The following UGT1A4 variants were observed in gnomAD, a reference collection of about 807,000 sequenced individuals.
The protein encoded by UGT1A4 is UDP glucuronosyltransferase family 1 member A4.
In UGT1A4, 32 loss-of-function variants were observed where a neutral mutation model predicts 41.1. The ratio of observed to expected loss-of-function variants is 0.78; its 90% CI spans 0.59 to 1.05. The LOEUF (loss-of-function observed/expected upper bound fraction) is 1.05. Ranked by LOEUF, UGT1A4 falls within the 50% of genes least tolerant of loss-of-function variation. The probability of loss-of-function intolerance (pLI) is 0.00; values close to 1 mark genes in which losing one functional copy is unlikely to be tolerated. For synonymous variants in UGT1A4, 283 were observed against 265.1 expected (o/e 1.07, Z -0.66); for missense variants, 748 against 677.4 (o/e 1.10, Z -1.16).
intron 1 of UGT1A4, chr2:233,750,763 G>T (rs1694554656): frequency 6.6e-6 from 1 of 152,010 alleles, no homozygotes; most frequent in East Asian, 1.9e-4. Context: ...CATCGATGTG[G>T]TGTTGGGCCT....
intron 1 of UGT1A4, chr2:233,729,382 C>T (rs775388472): frequency 6.2e-7 from 1 of 1,613,960 alleles, no homozygotes; most frequent in South Asian, 1.1e-5. Context: ...TTCGTGGACC[C>T]AGGATGAATT....
intron 1 of UGT1A4, among the ~76,000 whole-genome samples, chr2:233,738,370 A>G (rs1385050475): frequency 1.3e-5 from 2 of 152,228 alleles, no homozygotes; most frequent in African/African-American, 4.8e-5. Flanking sequence ...CTGCTATAAA[A>G]CTACTTGAAA....
At chr2:233,720,268 C>T (rs1303323026) in intron 1 of UGT1A4, among the ~76,000 whole-genome samples, 2 of 152,036 alleles carry the variant, frequency 1.3e-5, no homozygotes, top group East Asian at 3.9e-4. Context: ...GGGATCTGTC[C>T]TGAGAAAAGT....
chr2:233,772,994 C>G lies in UGT1A4; in HGVS notation c.*435C>G, dbSNP rs1700561362. The G allele has an allele frequency of 1.2e-5, 3 of 254,612 alleles. No homozygotes were observed. Among genetic ancestry groups the G allele is most frequent in the Admixed American group, 5.0e-5 (1 of 19,886 alleles). The allele number at this position is 254,612 out of a possible 1,614,324, so 15.8% of individuals were successfully genotyped here. On this transcript the variant is annotated 3_prime_UTR_variant, in exon 5 of 5. Transcript: ENST00000373409. Reference sequence around the variant, plus strand: ...AACCAATAATGGTCAGTCCTCATCTCTGTCGTGCTTCATAGGTGCCACCTT... The same window carrying G: ...AACCAATAATGGTCAGTCCTCATCTGTGTCGTGCTTCATAGGTGCCACCTT...
rs1184503727 is a variant in UGT1A4 at position 233,769,814 on chromosome 2, C to T, written c.1307+1375C>T. 17 of 933,346 alleles carry T rather than the reference C, an allele frequency of 1.8e-5. No homozygotes were observed. Among genetic ancestry groups the T allele is most frequent in the African/African-American group, 1.7e-5 (1 of 59,148 alleles). The allele number at this position is 933,346 out of a possible 1,614,324, so 57.8% of individuals were successfully genotyped here. Reference sequence around the variant, plus strand: ...AGGCTGCTATGAGCCGTGATCATGCCACTGCACTCCAGCAACCTGGGCAAC... The same window carrying T: ...AGGCTGCTATGAGCCGTGATCATGCTACTGCACTCCAGCAACCTGGGCAAC... On this transcript the variant is annotated intron_variant, in intron 4 of 4. Coordinates refer to ENST00000373409, the MANE Select transcript of UGT1A4 (RefSeq NM_007120.3). The surrounding 1 kb of genome is among the most constrained non-coding windows in gnomAD (Gnocchi z 4.4).
At chr2:233,725,207 GGCAGA>G (rs1192113071) in intron 1 of UGT1A4, among the ~76,000 whole-genome samples, 1 of 92,368 alleles carries the variant, frequency 1.1e-5, no homozygotes, top group African/African-American at 8.4e-5. Context: ...CAGAGGCAGA[GGCAGA>G]GGCAGAGGAG....
rs1409125726 is a variant in UGT1A4, at chr2:233,724,318, C to A, written c.867+4631C>A. ...CCCCCCACCTCCCTCCCGGACGGGG[C>A]GGCTGGCCAGGCGGGGGGCTGACCC... is the stretch of plus-strand genomic sequence containing the variant. On this transcript the variant is annotated intron_variant, in intron 1 of 4. Transcript: ENST00000373409. Among the ~76,000 whole-genome samples, 124 of 143,122 alleles carry A rather than the reference C, an allele frequency of 8.7e-4. 1 individual carries two copies. Among genetic ancestry groups the A allele is most frequent in the African/African-American group, 2.9e-3 (111 of 38,264 alleles). 93.9% of individuals were successfully genotyped at this position (143,122 alleles called of 152,430 possible).
chr2:233,732,815 A>G (rs1359476181), intron 1 of UGT1A4, among the ~76,000 whole-genome samples: 2 of 140,410 alleles, frequency 1.4e-5, no homozygotes, highest in African/African-American at 5.5e-5. Context: ...TTGATTCCAT[A>G]TGAACTTTAA....
intron 1 of UGT1A4, among the ~76,000 whole-genome samples, chr2:233,735,518 T>G (rs2078663521): frequency 6.6e-6 from 1 of 152,220 alleles, no homozygotes; most frequent in South Asian, 2.1e-4. Context: ...ACATTTAAGG[T>G]AAATATTGTT....
chr2:233,760,217 A>G, intron 1 of UGT1A4: 3 of 1,593,674 alleles, frequency 1.9e-6, no homozygotes, highest in Non-Finnish European at 2.6e-6. Context: ...AACTTGGTGT[A>G]TCGATTGGTT....
chr2:233,768,589 T>C (rs1575835871), intron 4 of UGT1A4, 150 bp downstream of exon 4: 6 of 1,048,606 alleles, frequency 5.7e-6, no homozygotes, highest in East Asian at 7.5e-5. Flanking sequence ...CTTCTTTTTT[T>C]TTTTTTTTTT....
intron 1 of UGT1A4, chr2:233,747,317 C>A: frequency 1.9e-6 from 3 of 1,603,212 alleles, no homozygotes; most frequent in Non-Finnish European, 2.6e-6. Flanking sequence ...CTGGTGGTAC[C>A]CATTGATGGC....
intron 1 of UGT1A4, among the ~76,000 whole-genome samples, chr2:233,749,397 T>C (rs756585861): frequency 1.2e-4 from 18 of 151,970 alleles, no homozygotes; most frequent in Admixed American, 2.0e-4. Context: ...TGTGAACATA[T>C]TCTCTAGTGT....
intron 1 of UGT1A4, chr2:233,743,896 C>A: frequency 3.7e-6 from 5 of 1,366,934 alleles, no homozygotes; most frequent in Non-Finnish European, 4.9e-6. Flanking sequence ...GCACGTCCAG[C>A]ACCTCGTAGT....
At chr2:233,760,485 G>T in intron 1 of UGT1A4, 2 of 1,614,228 alleles carry the variant, frequency 1.2e-6, no homozygotes, top group Non-Finnish European at 1.7e-6. Context: ...ACGCCTCGTT[G>T]TACATCAGAG....
Position 233,769,607 on chromosome 2 carries a change from C to T in UGT1A4, c.1307+1168C>T. On this transcript the variant is annotated intron_variant, in intron 4 of 4. Transcript: ENST00000373409. The surrounding 1 kb of genome is among the most constrained non-coding windows in gnomAD (Gnocchi z 4.4). ...TGAGAGGAGACGGAACACGGGGACA[C>T]ACCAGCTTGAGCAAGGGACAACAGG... 6.2e-7 allele frequency: 1 copy of T among 1,612,808 alleles called. No individual in the cohort carries two copies. The highest frequency in any genetic ancestry group is 1.1e-5 in the South Asian group (1 of 91,046).
In UGT1A4 at chr2:233,722,182, C is replaced by T. The variant is rs530414552; in HGVS notation, c.867+2495C>T. On this transcript the variant is annotated intron_variant, in intron 1 of 4. Transcript: ENST00000373409. ...GTCACCTGGAGACCTTTGCCATGTT[C>T]GTGCCAATTTACTGAGTGCATGAAA... The T allele has an allele frequency of 1.0e-4, 16 of 156,916 alleles. No homozygotes were observed. The Middle Eastern group carries it at 8.9e-3, about 87-fold the overall frequency. 9.7% of individuals were successfully genotyped at this position (156,916 alleles called of 1,614,324 possible).
chr2:233,769,620 A>G lies in UGT1A4; in HGVS notation c.1307+1181A>G. The G allele has an allele frequency of 6.2e-7, 1 of 1,612,636 alleles. No homozygotes were observed. Among genetic ancestry groups the G allele is most frequent in the Non-Finnish European group, 8.5e-7 (1 of 1,179,796 alleles). ...AACACGGGGACACACCAGCTTGAGCAAGGGACAACAGGGGAGGACTGATGA... is the reference window on the plus strand; with the variant it reads ...AACACGGGGACACACCAGCTTGAGCGAGGGACAACAGGGGAGGACTGATGA... On this transcript the variant is annotated intron_variant, in intron 4 of 4. Transcript: ENST00000373409. This position sits in a 1 kb window ranked among gnomAD's most constrained non-coding sequence, Gnocchi z 4.4.
At chr2:233,724,792 G>T (rs992945436) in intron 1 of UGT1A4, among the ~76,000 whole-genome samples, 1 of 140,672 alleles carries the variant, frequency 7.1e-6, no homozygotes, top group African/African-American at 2.8e-5. Context: ...CTTCCCAGAC[G>T]GGGTGGCGGC....
Sources: allele counts gnomAD v4.1 joint callset (sites outside exome capture counted in the v4.1 genomes callset), GRCh38; gene constraint gnomAD v4.1.1; non-coding constraint Gnocchi (gnomAD v3.1); transcripts MANE v1.5; gene names NCBI Gene and HGNC (gene_info 2026-07-23, HGNC 2026-07-21).